The following SDCCAG8 variants were observed in gnomAD, a reference collection of about 807,000 sequenced individuals.
SDCCAG8 encodes the protein SHH signaling and ciliogenesis regulator SDCCAG8, also known as serologically defined colon cancer antigen 8.
In SDCCAG8, 74 loss-of-function variants were observed where a neutral mutation model predicts 101.8. That is an observed-to-expected ratio of 0.73 (90% CI 0.60 to 0.88). SDCCAG8 has a LOEUF of 0.88. SDCCAG8 is among the 40% of genes least tolerant of loss of function. SDCCAG8 has a pLI of 0.00. For missense variants in SDCCAG8, 787 were observed against 822.6 expected, an observed-to-expected ratio of 0.96 and a Z score of 0.53; for synonymous variants, 281 against 292.9, an observed-to-expected ratio of 0.96 and a Z score of 0.41.
rs1479850463 is a variant in SDCCAG8, at chr1:243,426,535, A to C, written c.1962A>C (p.Arg654Ser). 1 of 1,614,010 alleles carries C rather than the reference A, an allele frequency of 6.2e-7. No individual in the cohort carries two copies. Among genetic ancestry groups the C allele is most frequent in the East Asian group, 2.2e-5 (1 of 44,830 alleles). Residue 654 changes from arginine (R) to serine (S), a missense_variant, in exon 16 of 18, where the codon AGA (arginine) becomes AGC (serine). By Grantham distance (110) the Arg-to-Ser change is moderately radical. Transcript: ENST00000366541. ...ELEEQCVQHG[R>S]VHETMKQRLR... is the part of the protein sequence containing the mutation. Reference sequence around the variant, plus strand: ...AGGAACAGTGTGTCCAGCATGGGAGAGTACATGAGACGATGAAGCAAAGGT... The same window carrying C: ...AGGAACAGTGTGTCCAGCATGGGAGCGTACATGAGACGATGAAGCAAAGGT...
At chr1:243,348,022 ATTTTTTTTTTTTTTCTT>A in intron 12 of SDCCAG8, among the ~76,000 whole-genome samples, 1 of 117,066 alleles carries the variant, frequency 8.5e-6, no homozygotes, top group Middle Eastern at 4.4e-3. Context: ...CTGGACATGC[ATTTTTTTTTTTTTTCTT>A]TTTTTTTTTT....
intron 16 of SDCCAG8, among the ~76,000 whole-genome samples, chr1:243,448,942 T>C (rs1391952581): frequency 6.6e-6 from 1 of 152,234 alleles, no homozygotes; most frequent in East Asian, 1.9e-4. Flanking sequence ...AAGCAGAACT[T>C]GATGTGTATG....
At chr1:243,274,707 A>C (rs1217292482) in intron 4 of SDCCAG8, 51 bp downstream of exon 4, 3 of 1,075,610 alleles carry the variant, frequency 2.8e-6, no homozygotes, top group Non-Finnish European at 4.3e-6. Flanking sequence ...GCTTATATTA[A>C]CTATAGATTG....
intron 14 of SDCCAG8, 87 bp from the exon 15 acceptor site, chr1:243,417,881 A>C: frequency 1.1e-6 from 1 of 937,260 alleles, no homozygotes; most frequent in East Asian, 2.4e-5. Context: ...GTAGGGGTCT[A>C]AGCACTTTAC....
intron 12 of SDCCAG8, among the ~76,000 whole-genome samples, chr1:243,361,767 T>C (rs983618327): frequency 2.0e-5 from 3 of 152,248 alleles, no homozygotes; most frequent in African/African-American, 7.2e-5. Context: ...CTTCACTGGC[T>C]ACTAATGTAT....
chr1:243,473,994 C>CATG (rs1254821496), intron 16 of SDCCAG8, among the ~76,000 whole-genome samples: 1 of 137,528 alleles, frequency 7.3e-6, no homozygotes, highest in Non-Finnish European at 1.5e-5. Flanking sequence ...AATTAAGTCA[C>CATG]ATGAGAAGCT....
rs548660720 is a variant in SDCCAG8 at position 243,430,505 on chromosome 1, C to T, written c.1985+3947C>T. On this transcript the variant is annotated intron_variant, in intron 16 of 17. Coordinates refer to ENST00000366541, the MANE Select transcript of SDCCAG8 (RefSeq NM_006642.5). ...TGTCGCCCAGGCTGGAGTGCAGTGG[C>T]GCAATCTTGGCTCACTGCAAGCTCC... 3.2e-3 allele frequency among the ~76,000 whole-genome samples: 492 copies of T among 151,992 alleles called. 3 individuals carry two copies. The highest frequency in any genetic ancestry group is 0.012 in the African/African-American group (480 of 41,424).
Position 243,496,980 on chromosome 1 carries a change from G to A in SDCCAG8, c.2113-2776G>A, listed in dbSNP as rs2148313950. ...TCGCCCCCCTCTGAGCTGCAGGACA[G>A]CCACAGGAGGGCCACAGCAAGGGCC... On this transcript the variant is annotated intron_variant, in intron 17 of 17. Transcript: ENST00000366541. Among the ~76,000 whole-genome samples, 2 of 152,342 alleles carry A rather than the reference G, an allele frequency of 1.3e-5. 1 individual carries two copies. The highest frequency in any genetic ancestry group is 6.8e-3 in the Middle Eastern group (2 of 294).
chr1:243,347,289 A>G (rs535781212), intron 12 of SDCCAG8, among the ~76,000 whole-genome samples: 106 of 152,320 alleles, frequency 7.0e-4, no homozygotes, highest in African/African-American at 2.5e-3. Context: ...GGATATTTTT[A>G]CATACTATGT....
intron 16 of SDCCAG8, among the ~76,000 whole-genome samples, chr1:243,440,120 CT>C (rs2082431359): frequency 6.6e-6 from 1 of 152,180 alleles, no homozygotes. Flanking sequence ...GTGCAAGTTA[CT>C]TCACCCCTGG....
At chr1:243,353,544 A>G (rs2076223217) in intron 12 of SDCCAG8, among the ~76,000 whole-genome samples, 1 of 145,134 alleles carries the variant, frequency 6.9e-6, no homozygotes, top group South Asian at 2.2e-4. Flanking sequence ...CAGCACGGAT[A>G]GAAGAAGAAA....
At chr1:243,293,007 G>A (rs1362840130) in intron 5 of SDCCAG8, 84 bp from the exon 6 acceptor site, 59 of 1,492,874 alleles carry the variant, frequency 4.0e-5, no homozygotes, top group Non-Finnish European at 5.4e-5. Flanking sequence ...TTCATCATAG[G>A]TAAGAATAGG....
chr1:243,432,365 C>T (rs1248290713), intron 16 of SDCCAG8, among the ~76,000 whole-genome samples: 1 of 152,072 alleles, frequency 6.6e-6, no homozygotes, highest in Admixed American at 6.6e-5. Context: ...ACAGAAGACA[C>T]AGGGGCCTGC....
chr1:243,415,955 C>A, intron 14 of SDCCAG8, 126 bp downstream of exon 14: 1 of 1,052,410 alleles, frequency 9.5e-7, no homozygotes, highest in Non-Finnish European at 1.4e-6. Flanking sequence ...GCTAACTACA[C>A]CGGAGATTCC....
chr1:243,450,039 G>C (rs1280933554), intron 16 of SDCCAG8, among the ~76,000 whole-genome samples: 2 of 152,192 alleles, frequency 1.3e-5, no homozygotes, highest in African/African-American at 2.4e-5. Context: ...GCTTTCTCTA[G>C]AGGCCAACAT....
intron 16 of SDCCAG8, among the ~76,000 whole-genome samples, chr1:243,466,925 C>T (rs1291197369): frequency 6.6e-6 from 1 of 152,250 alleles, no homozygotes; most frequent in East Asian, 1.9e-4. Flanking sequence ...CACTGGGGAA[C>T]CAGGTCTCAC....
chr1:243,476,274 A>G (rs1359634947), intron 16 of SDCCAG8: 1 of 985,356 alleles, frequency 1.0e-6, no homozygotes, highest in Non-Finnish European at 1.2e-6. Context: ...GCTAAATAAA[A>G]AGCTTTCAGC....
At chr1:243,423,153 A>G (rs1251913150) in intron 15 of SDCCAG8, among the ~76,000 whole-genome samples, 1 of 152,128 alleles carries the variant, frequency 6.6e-6, no homozygotes, top group East Asian at 1.9e-4. Flanking sequence ...AAAAACAAAA[A>G]TGTGAAGCAG....
intron 4 of SDCCAG8, among the ~76,000 whole-genome samples, chr1:243,285,293 C>T (rs546492070): frequency 2.0e-4 from 31 of 152,288 alleles, no homozygotes; most frequent in South Asian, 4.1e-4. Context: ...AATTCTGTGT[C>T]TCAGCGTCCA....
Sources: gnomAD v4.1 joint callset for allele counts (sites outside exome capture counted in the v4.1 genomes callset) on GRCh38, gnomAD v4.1.1 for gene constraint, MANE v1.5 for transcripts, NCBI Gene and HGNC (gene_info 2026-07-23, HGNC 2026-07-21) for gene names.